SHISAL1: variants seen among roughly 807,000 people sequenced by gnomAD.
SHISAL1 encodes the protein shisa like 1, also known as protein shisa-like-1.
In SHISAL1, 9 loss-of-function variants were observed where a neutral mutation model predicts 22.6. The ratio of observed to expected loss-of-function variants is 0.40; its 90% CI spans 0.24 to 0.70. SHISAL1 has a LOEUF of 0.70. Among genes scored for constraint, SHISAL1 ranks in the 30% least tolerant of loss-of-function variants. The pLI, the probability that SHISAL1 is intolerant of heterozygous loss-of-function variation, is 0.39. For missense variants in SHISAL1, 246 were observed against 270.6 expected, an observed-to-expected ratio of 0.91 and a Z score of 0.64; for synonymous variants, 119 against 115.4, an observed-to-expected ratio of 1.03 and a Z score of -0.20.
the SHISAL1 span, among the ~76,000 whole-genome samples, chr22:44,323,466 AT>A: frequency 9.4e-6 from 1 of 106,776 alleles, no homozygotes; most frequent in African/African-American, 3.8e-5. Flanking sequence ...CCATTCATCC[AT>A]CCATCCATTC....
Position 44,253,805 on chromosome 22 carries a change from G to C in SHISAL1, c.*-4120C>G, listed in dbSNP as rs2055066163. Among the ~76,000 whole-genome samples the C allele has an allele frequency of 2.0e-5, 3 of 149,650 alleles. No individual in the cohort carries two copies. In the South Asian group the frequency reaches 6.3e-4, roughly 31 times the overall value. ...TGCAGTTGGCAAAAACTAAAGTAAG[G>C]ATATACGGAGCCAAATAATCTAACA... On this transcript the variant is annotated intron_variant, in intron 4 of 4. Coordinates refer to ENST00000381176, the MANE Select transcript of SHISAL1 (RefSeq NM_001099294.2).
rs764588644 is a variant in SHISAL1 at position 44,261,094 on chromosome 22, TATATAC to T, written c.*-11415_*-11410del. Among the ~76,000 whole-genome samples the T allele has an allele frequency of 9.6e-3, 1,277 of 132,674 alleles. 83 individuals carry two copies. Among genetic ancestry groups the T allele is most frequent in the African/African-American group, 0.034 (1,044 of 30,492 alleles). The allele number at this position is 132,674 out of a possible 152,430, so 87.0% of individuals were successfully genotyped here. Reference sequence around the variant, plus strand: ...TCATTACTTTATATATATATATATATATATACACTATATGGATTCTCTTGCAGAAAA... The same window carrying T: ...TCATTACTTTATATATATATATATATACTATATGGATTCTCTTGCAGAAAA... On this transcript the variant is annotated intron_variant, in intron 4 of 4. Coordinates refer to ENST00000381176, the MANE Select transcript of SHISAL1 (RefSeq NM_001099294.2).
chr22:44,278,509 GT>G (rs1464399304), intron 4 of SHISAL1, among the ~76,000 whole-genome samples: 1 of 152,238 alleles, frequency 6.6e-6, no homozygotes, highest in Non-Finnish European at 1.5e-5. Flanking sequence ...CCTTGGGGGA[GT>G]GCTGAGGAGA....
intron 4 of SHISAL1, among the ~76,000 whole-genome samples, chr22:44,276,222 G>C (rs1169131143): frequency 1.3e-5 from 2 of 152,166 alleles, no homozygotes; most frequent in African/African-American, 2.4e-5. Context: ...CTGAACAGGG[G>C]CTGTGGAAGG....
Position 44,310,966 on chromosome 22 carries a change from C to T in SHISAL1, c.-33+1785G>A, listed in dbSNP as rs2055513880. 6.6e-6 allele frequency among the ~76,000 whole-genome samples: 1 copy of T among 152,036 alleles called. No individual in the cohort carries two copies. The highest frequency in any genetic ancestry group is 2.1e-4 in the South Asian group (1 of 4,826). On this transcript the variant is annotated intron_variant, in intron 1 of 4. Coordinates refer to ENST00000381176, the MANE Select transcript of SHISAL1 (RefSeq NM_001099294.2). The surrounding 1 kb of genome is among the most constrained non-coding windows in gnomAD (Gnocchi z 4.0). The stretch of plus-strand genomic sequence containing the variant: ...AGGAACTCCATTAGCACTCGTTGGC[C>T]TGGTTTGTTTTATTGCAAAGAGCAA...
At chr22:44,303,047 T>C (rs2055443500) in intron 1 of SHISAL1, among the ~76,000 whole-genome samples, 1 of 151,830 alleles carries the variant, frequency 6.6e-6, no homozygotes, top group Non-Finnish European at 1.5e-5. Context: ...CCCATAGGAG[T>C]TGGAAACGGA....
chr22:44,264,179 T>C (rs1601780600), intron 4 of SHISAL1, among the ~76,000 whole-genome samples: 2 of 152,298 alleles, frequency 1.3e-5, no homozygotes, highest in East Asian at 3.9e-4. Flanking sequence ...ACCTGCCTTG[T>C]CAAAGCCCTG....
At chr22:44,286,337 G>A (rs1009166507) in intron 3 of SHISAL1, among the ~76,000 whole-genome samples, 10 of 152,136 alleles carry the variant, frequency 6.6e-5, no homozygotes, top group Non-Finnish European at 1.3e-4. Flanking sequence ...GGGGCTGTCC[G>A]GGCCCCATGA....
chr22:44,305,244 T>G lies in SHISAL1; in HGVS notation c.-32-4267A>C, dbSNP rs1192179162. ...ACTTATTCTCTCAACACCCACTTGC[T>G]GACCTGCACTCGGGGCCAGGCCCTG... is the stretch of plus-strand genomic sequence containing the variant. On this transcript the variant is annotated intron_variant, in intron 1 of 4. Transcript: ENST00000381176. Among the ~76,000 whole-genome samples, 3 of 152,228 alleles carry G rather than the reference T, an allele frequency of 2.0e-5. No individual in the cohort carries two copies. The East Asian group carries it at 5.8e-4, about 29-fold the overall frequency.
intron 3 of SHISAL1, among the ~76,000 whole-genome samples, chr22:44,292,123 C>T (rs1261142026): frequency 3.9e-5 from 6 of 152,236 alleles, no homozygotes; most frequent in African/African-American, 7.2e-5. Flanking sequence ...TCATCAGAAG[C>T]GCTCTCCTTT....
chr22:44,330,574 T>G, the SHISAL1 span, among the ~76,000 whole-genome samples: 8 of 152,104 alleles, frequency 5.3e-5, no homozygotes, highest in Admixed American at 5.2e-4. Context: ...CTAGGGGGCA[T>G]GGACCCGGCC....
At chr22:44,301,242 G>A (rs2055426867) in intron 1 of SHISAL1, among the ~76,000 whole-genome samples, 2 of 152,222 alleles carry the variant, frequency 1.3e-5, no homozygotes, top group Admixed American at 6.5e-5. Flanking sequence ...CTCAGGTGGT[G>A]GAAATGACCG....
At chr22:44,257,668 C>G (rs2055093706) in intron 4 of SHISAL1, among the ~76,000 whole-genome samples, 2 of 152,198 alleles carry the variant, frequency 1.3e-5, no homozygotes, top group African/African-American at 4.8e-5. Flanking sequence ...ATCAGCCAAA[C>G]TTAGATCAGA....
At chr22:44,253,812 G>A (rs908426510) in intron 4 of SHISAL1, among the ~76,000 whole-genome samples, 5 of 145,594 alleles carry the variant, frequency 3.4e-5, no homozygotes, top group African/African-American at 5.2e-5. Context: ...AAGGATATAC[G>A]GAGCCAAATA....
At chr22:44,271,069 T>A (rs1337715574) in intron 4 of SHISAL1, among the ~76,000 whole-genome samples, 1 of 151,964 alleles carries the variant, frequency 6.6e-6, no homozygotes, top group African/African-American at 2.4e-5. Flanking sequence ...TTCCTATGAG[T>A]GGGGTACTGA....
chr22:44,275,883 T>C (rs1408971564), intron 4 of SHISAL1, among the ~76,000 whole-genome samples: 1 of 152,224 alleles, frequency 6.6e-6, no homozygotes, highest in African/African-American at 2.4e-5. Context: ...AGCTCATTGA[T>C]TGGACACTGT....
chr22:44,323,783 C>T, the SHISAL1 span, among the ~76,000 whole-genome samples: 2 of 152,246 alleles, frequency 1.3e-5, no homozygotes, highest in South Asian at 2.1e-4. Context: ...CGGCCTCCAC[C>T]CTTCCAGGAT....
chr22:44,320,969 G>C, the SHISAL1 span, among the ~76,000 whole-genome samples: 1 of 152,164 alleles, frequency 6.6e-6, no homozygotes, highest in African/African-American at 2.4e-5. Context: ...AACTGGGAAG[G>C]GGCATCATCG....
chr22:44,309,974 T>C (rs935771239), intron 1 of SHISAL1, among the ~76,000 whole-genome samples: 1 of 152,170 alleles, frequency 6.6e-6, no homozygotes, highest in Non-Finnish European at 1.5e-5. Context: ...TAGGACATCT[T>C]TCCTCGCTGT....
Sources: gnomAD v4.1 joint callset for allele counts (sites outside exome capture counted in the v4.1 genomes callset) on GRCh38, gnomAD v4.1.1 for gene constraint, Gnocchi (gnomAD v3.1) non-coding constraint, MANE v1.5 for transcripts, NCBI Gene and HGNC (gene_info 2026-07-23, HGNC 2026-07-21) for gene names.